NCOA6: variants seen among roughly 807,000 people sequenced by gnomAD.
NCOA6 encodes NRC RAP250.
NCOA6 carries 49 observed loss-of-function variants against 171.4 expected under a neutral mutation model. The observed-to-expected ratio is 0.29, with a 90% CI of 0.23 to 0.36. The LOEUF (loss-of-function observed/expected upper bound fraction) is 0.36, where lower values mean the gene tolerates loss of function less well. Among genes scored for constraint, NCOA6 ranks in the 10% least tolerant of loss-of-function variants. The pLI is 1.00. For synonymous variants in NCOA6, 910 were observed against 927.5 expected, an observed-to-expected ratio of 0.98 and a Z score of 0.34; for missense variants, 2,248 against 2,554.5, an observed-to-expected ratio of 0.88 and a Z score of 2.59.
At chr20:34,763,418 C>T (rs1040625687) in intron 5 of NCOA6, among the ~76,000 whole-genome samples, 1 of 152,084 alleles carries the variant, frequency 6.6e-6, no homozygotes, top group African/African-American at 2.4e-5. Context: ...AAGTTCTGTT[C>T]CCCCCATCTC....
Position 34,742,343 on chromosome 20 carries a change from A to G in NCOA6, c.3913T>C (p.Leu1305=). The G allele has an allele frequency of 6.2e-7, 1 of 1,614,162 alleles. No individual in the cohort carries two copies. Among genetic ancestry groups the G allele is most frequent in the Non-Finnish European group, 8.5e-7 (1 of 1,180,036 alleles). The part of the protein sequence containing the change: ...SNFATPQTHK[L]DSVVVNSGKQ... ...CCAGAATTCACTACCACAGAATCTA[A>G]TTTGTGAGTTTGTGGGGTAGCAAAA... Residue 1305 remains leucine (L), a synonymous_variant, in exon 11 of 15, where the codon TTA becomes CTA. Coordinates refer to ENST00000359003, the MANE Select transcript of NCOA6 (RefSeq NM_014071.5).
In NCOA6 at chr20:34,740,701, G is replaced by A. The variant is rs777611895; in HGVS notation, c.5555C>T (p.Thr1852Ile). Residue 1852 changes from threonine to isoleucine, a missense_variant, in exon 11 of 15, where the codon ACT becomes ATT. Physicochemically the swap from Thr to Ile is moderately conservative, Grantham distance 89. This residue lies in a region of NCOA6 where 884 missense variants were observed against 941.9 expected (regional missense o/e 0.94). Transcript: ENST00000359003. ...TGTGGTGTCTAGCCCTTGGCCTTCA[G>A]TCTCTCCATCTGCACCATATTGTTC... ...GEEQYGADGE[T>I]EGQGLDTTAP... The A allele has an allele frequency of 7.4e-6, 12 of 1,614,220 alleles. No homozygotes were observed. The South Asian group carries it at 1.3e-4, about 18-fold the overall frequency.
intron 1 of NCOA6, among the ~76,000 whole-genome samples, chr20:34,804,294 G>A (rs1322442352): frequency 6.6e-6 from 1 of 151,740 alleles, no homozygotes; most frequent in Non-Finnish European, 1.5e-5. Context: ...CCGAGATCAC[G>A]CCACTGCACT....
At chr20:34,773,714 G>C (rs983482603) in intron 4 of NCOA6, among the ~76,000 whole-genome samples, 1 of 152,172 alleles carries the variant, frequency 6.6e-6, no homozygotes, top group Non-Finnish European at 1.5e-5. Context: ...AGTAGAGACG[G>C]GGTTTCACCA....
chr20:34,777,352 T>C (rs1379935188), intron 3 of NCOA6, among the ~76,000 whole-genome samples: 1 of 151,774 alleles, frequency 6.6e-6, no homozygotes, highest in African/African-American at 2.4e-5. Flanking sequence ...ACACCTATAA[T>C]CCCAATAATC....
rs1453834677 is a variant in NCOA6 at position 34,742,379 on chromosome 20, T to C, written c.3877A>G (p.Asn1293Asp). ...TGTGGGGTAGCAAAATTGGAAGGAT[T>C]CATGGTAAGATTTGAAGGTGCTTGC... ...IGQAPSNLTMNPSNFATPQTH... is the reference protein window; with the variant it reads ...IGQAPSNLTMDPSNFATPQTH... The change falls in exon 11 of 15, where the codon AAT becomes GAT. Residue 1293 changes from asparagine to aspartate, a missense_variant. Around this residue, in one of 7 missense-constraint regions of NCOA6, gnomAD observed 884 missense variants for 941.9 expected, o/e 0.94. Transcript: ENST00000359003. The C allele has an allele frequency of 1.2e-6, 2 of 1,614,200 alleles. No homozygotes were observed. The highest frequency in any genetic ancestry group is 3.3e-5 in the Admixed American group (2 of 60,024).
In NCOA6 at chr20:34,757,894, T is replaced by C. The variant is rs751464578; in HGVS notation, c.854A>G (p.Gln285Arg). The change falls in exon 7 of 15, where the codon CAG (glutamine) becomes CGG (arginine). Residue 285 changes from glutamine to arginine, a missense_variant. Coordinates refer to ENST00000359003, the MANE Select transcript of NCOA6 (RefSeq NM_014071.5). ...TTGCTGTGGGGGTCTTGCCTGCAAC[T>C]GTTGTTGCTGCTGTTGCTGTTGTTG... ...QQQQQQQQQQ[Q>R]LQARPPQQHQ... 9.3e-6 allele frequency: 15 copies of C among 1,613,980 alleles called. No individual in the cohort carries two copies. The highest frequency in any genetic ancestry group is 1.3e-5 in the African/African-American group (1 of 74,900).
chr20:34,761,988 A>G (rs1197192346), intron 5 of NCOA6, among the ~76,000 whole-genome samples: 1 of 152,138 alleles, frequency 6.6e-6, no homozygotes, highest in Non-Finnish European at 1.5e-5. Context: ...CATTATATAA[A>G]AAGTATTTTG....
chr20:34,775,502 C>T (rs969514707), intron 4 of NCOA6, among the ~76,000 whole-genome samples: 6 of 151,524 alleles, frequency 4.0e-5, no homozygotes, highest in East Asian at 1.9e-4. Context: ...CTGGCCAAGA[C>T]GGTGAAACCC....
rs1568724819 is a variant in NCOA6, at chr20:34,732,599, C to T, written c.5963-4G>A. On this transcript the variant is annotated splice_region_variant and splice_polypyrimidine_tract_variant and intron_variant, in intron 12 of 14. Coordinates refer to ENST00000359003, the MANE Select transcript of NCOA6 (RefSeq NM_014071.5). The stretch of plus-strand genomic sequence containing the variant: ...ATGGCAGCATTTACCTCCAGCTCTG[C>T]AAAAAAATATAAAGGATAGAAATGA... 6.2e-7 allele frequency: 1 copy of T among 1,612,016 alleles called. No homozygotes were observed. Among genetic ancestry groups the T allele is most frequent in the East Asian group, 2.2e-5 (1 of 44,838 alleles).
chr20:34,824,628 G>A (rs919297626), intron 1 of NCOA6, among the ~76,000 whole-genome samples: 2 of 152,078 alleles, frequency 1.3e-5, no homozygotes, highest in African/African-American at 4.8e-5. Context: ...CTCCTTCCTT[G>A]CCAACCAGTT....
At chr20:34,769,811 C>A (rs1568818652) in intron 4 of NCOA6, among the ~76,000 whole-genome samples, 1 of 151,996 alleles carries the variant, frequency 6.6e-6, no homozygotes, top group Non-Finnish European at 1.5e-5. Context: ...CTGAAACAAG[C>A]AACAGAATGT....
At position 34,746,905 on chromosome 20, in the gene NCOA6, C is replaced by T. The variant is rs747435104; in HGVS notation, c.2816G>A (p.Gly939Asp). The change falls in exon 10 of 15, where the codon GGT becomes GAT. Residue 939 changes from glycine to aspartate, a missense_variant. Physicochemically the swap from Gly to Asp is moderately conservative, Grantham distance 94. Coordinates refer to ENST00000359003, the MANE Select transcript of NCOA6 (RefSeq NM_014071.5). Reference protein sequence around the residue: ...DLNTPDTRPAGLEEADQPPLP... With the variant: ...DLNTPDTRPADLEEADQPPLP... ...CGGTGGCTGATCAGCCTCTTCCAGACCAGCTGGGCGAGTATCTGGGGTGCT... is the reference window on the plus strand; with the variant it reads ...CGGTGGCTGATCAGCCTCTTCCAGATCAGCTGGGCGAGTATCTGGGGTGCT... 2.0e-5 allele frequency: 31 copies of T among 1,577,694 alleles called. No homozygotes were observed. In the East Asian group the frequency reaches 6.6e-4, roughly 33 times the overall value.
chr20:34,810,514 T>G lies in NCOA6; in HGVS notation c.-164+14958A>C, dbSNP rs548340573. Among the ~76,000 whole-genome samples, 9 of 151,990 alleles carry G rather than the reference T, an allele frequency of 5.9e-5. No homozygotes were observed. In the South Asian group the frequency reaches 1.9e-3, roughly 32 times the overall value. On this transcript the variant is annotated intron_variant, in intron 1 of 14. Transcript: ENST00000359003. The stretch of plus-strand genomic sequence containing the variant: ...TATTGTACCATCCATATGAGGAAAT[T>G]AAATAAAGCCTAACGCCCATGCAAC...
Position 34,782,356 on chromosome 20 carries a change from G to C in NCOA6, c.-1C>G. The C allele has an allele frequency of 6.4e-7, 1 of 1,564,996 alleles. No individual in the cohort carries two copies. Among genetic ancestry groups the C allele is most frequent in the Non-Finnish European group, 8.7e-7 (1 of 1,146,642 alleles). On this transcript the variant is annotated 5_prime_UTR_variant, in exon 3 of 15. Transcript: ENST00000359003. ...AGTTTGGAAGGTCATCCAAAACCAT[G>C]GTGAATATTATTCCAGAAGCATATG...
chr20:34,776,610 G>C (rs917106669), intron 3 of NCOA6, 162 bp from the exon 4 acceptor site: 1 of 840,314 alleles, frequency 1.2e-6, no homozygotes, highest in Middle Eastern at 3.1e-4. Flanking sequence ...TCTAATCCTA[G>C]CTTTGCCACT....
At chr20:34,816,241 A>G (rs2078830365) in intron 1 of NCOA6, among the ~76,000 whole-genome samples, 1 of 152,160 alleles carries the variant, frequency 6.6e-6, no homozygotes, top group Admixed American at 6.5e-5. Flanking sequence ...ACTACCTGTT[A>G]TGTGTTGACT....
chr20:34,814,913 T>C (rs1004623627), intron 1 of NCOA6, among the ~76,000 whole-genome samples: 5 of 152,136 alleles, frequency 3.3e-5, no homozygotes, highest in Non-Finnish European at 5.9e-5. Flanking sequence ...TTTTAAAATT[T>C]CATGGGGACA....
intron 13 of NCOA6, among the ~76,000 whole-genome samples, chr20:34,728,903 T>C (rs1034637639): frequency 2.0e-5 from 3 of 152,210 alleles, no homozygotes; most frequent in Admixed American, 6.5e-5. Flanking sequence ...TGAGTATATA[T>C]GTAACTACAT....
Sources: gnomAD v4.1 joint callset for allele counts (sites outside exome capture counted in the v4.1 genomes callset) on GRCh38, gnomAD v4.1.1 for gene constraint, gnomAD v4.1.1 regional missense constraint, MANE v1.5 for transcripts, NCBI Gene and HGNC (gene_info 2026-07-23, HGNC 2026-07-21) for gene names.